The following WDFY1 variants were observed in gnomAD, a reference collection of about 807,000 sequenced individuals.
WDFY1 encodes WD repeat and FYVE domain containing 1, also known as WD repeat and FYVE domain-containing protein 1.
In WDFY1, 32 loss-of-function variants were observed where a neutral mutation model predicts 56.4. The observed-to-expected ratio is 0.57, with a 90% confidence interval of 0.43 to 0.76. The LOEUF (loss-of-function observed/expected upper bound fraction) is 0.76, where lower values mean the gene tolerates loss of function less well. Among genes scored for constraint, WDFY1 ranks in the 30% least tolerant of loss-of-function variants. WDFY1 has a pLI of 0.00. For missense variants in WDFY1, 480 were observed against 545.7 expected, an observed-to-expected ratio of 0.88 and a Z score of 1.20; for synonymous variants, 192 against 197.3, an observed-to-expected ratio of 0.97 and a Z score of 0.23.
chr2:223,881,540 G>A (rs1323324045), intron 10 of WDFY1, among the ~76,000 whole-genome samples: 11 of 152,096 alleles, frequency 7.2e-5, no homozygotes, highest in Admixed American at 7.2e-4. Flanking sequence ...CTGTAATCCT[G>A]GCACTTTGAG....
intron 1 of WDFY1, among the ~76,000 whole-genome samples, chr2:223,930,338 T>C (rs1446765683): frequency 6.6e-6 from 1 of 152,122 alleles, no homozygotes; most frequent in African/African-American, 2.4e-5. Flanking sequence ...CTGAGCCTTG[T>C]TTTTGTTTTG....
At chr2:223,903,747 C>T (rs1693548958) in intron 4 of WDFY1, among the ~76,000 whole-genome samples, 1 of 150,960 alleles carries the variant, frequency 6.6e-6, no homozygotes, top group Non-Finnish European at 1.5e-5. Context: ...AACTCCTGGG[C>T]TCAAGTGATC....
At chr2:223,915,030 T>C (rs1693764508) in intron 2 of WDFY1, among the ~76,000 whole-genome samples, 1 of 152,268 alleles carries the variant, frequency 6.6e-6, no homozygotes, top group South Asian at 2.1e-4. Context: ...CGGATAGCTT[T>C]TAGAACTAAC....
intron 8 of WDFY1, among the ~76,000 whole-genome samples, chr2:223,893,702 C>T (rs976277299): frequency 2.6e-5 from 4 of 152,168 alleles, no homozygotes; most frequent in African/African-American, 9.6e-5. Context: ...TAGTTAGTGG[C>T]CGAACCAAGT....
In WDFY1 at chr2:223,901,605, T is replaced by C. The variant is rs1693509180; in HGVS notation, c.335-272A>G. Among the ~76,000 whole-genome samples the C allele has an allele frequency of 1.3e-5, 2 of 151,236 alleles. 1 individual carries two copies. The highest frequency in any genetic ancestry group is 4.2e-4 in the South Asian group (2 of 4,800). ...TTAAAGAGTAACGCTCAAGGAGAAATCAAATAATAGATTAGAGAACAGATT... is the reference window on the plus strand; with the variant it reads ...TTAAAGAGTAACGCTCAAGGAGAAACCAAATAATAGATTAGAGAACAGATT... On this transcript the variant is annotated intron_variant, in intron 4 of 11. Transcript: ENST00000233055.
In WDFY1 at chr2:223,877,552, A is replaced by G. The variant is rs796493600; in HGVS notation, c.*1119T>C. 2 of 152,220 alleles carry G rather than the reference A, an allele frequency of 1.3e-5. No homozygotes were observed. The highest frequency in any genetic ancestry group is 4.1e-4 in the South Asian group (2 of 4,838). The allele number at this position is 152,220 out of a possible 1,614,324, so 9.4% of individuals were successfully genotyped here. A position where few individuals can be genotyped will look rare whatever the true frequency, so the allele number is the denominator to read the frequency against. On this transcript the variant is annotated 3_prime_UTR_variant, in exon 12 of 12. Transcript: ENST00000233055. Reference sequence around the variant, plus strand: ...AAAAGCTTTAGAAATGCCATTATGAACAATAGCTTTTGCTAGTTGTTAGGA... The same window carrying G: ...AAAAGCTTTAGAAATGCCATTATGAGCAATAGCTTTTGCTAGTTGTTAGGA...
intron 1 of WDFY1, among the ~76,000 whole-genome samples, chr2:223,939,711 T>C (rs1320491349): frequency 6.6e-6 from 1 of 152,174 alleles, no homozygotes; most frequent in African/African-American, 2.4e-5. Flanking sequence ...CCCTCATGAT[T>C]CAATTATTTC....
Position 223,901,250 on chromosome 2 carries a change from A to G in WDFY1, c.418T>C (p.Trp140Arg), listed in dbSNP as rs1033368562. 3.1e-6 allele frequency: 5 copies of G among 1,614,068 alleles called. No individual in the cohort carries two copies. In the Admixed American group the frequency reaches 6.7e-5, roughly 22 times the overall value. Residue 140 changes from tryptophan to arginine, a missense_variant, in exon 5 of 12, where the codon TGG becomes CGG. By Grantham distance (101) the Trp-to-Arg change is moderately radical. Coordinates refer to ENST00000233055, the MANE Select transcript of WDFY1 (RefSeq NM_020830.5). The stretch of plus-strand genomic sequence containing the variant: ...ATGTTCCCGCTCCGCGTGCACATCC[A>G]GCTCACACACTTGTCGTGGCCGGTA... ...ISTGHDKCVSWMCTRSGNMLG... is the reference protein window; with the variant it reads ...ISTGHDKCVSRMCTRSGNMLG...
intron 8 of WDFY1, among the ~76,000 whole-genome samples, chr2:223,892,752 C>T (rs1693299499): frequency 1.3e-5 from 2 of 152,208 alleles, no homozygotes; most frequent in Admixed American, 1.3e-4. Flanking sequence ...CAATGGTGCA[C>T]AGCACACTGA....
At position 223,876,751 on chromosome 2, in the gene WDFY1, A is replaced by T. The variant is rs1028744954; in HGVS notation, c.*1920T>A. The stretch of plus-strand genomic sequence containing the variant: ...GATGTCAAACGGTCACATTTTACAG[A>T]AGTCAAAGGAAAACAAAACCACAGT... On this transcript the variant is annotated 3_prime_UTR_variant, in exon 12 of 12. Coordinates refer to ENST00000233055, the MANE Select transcript of WDFY1 (RefSeq NM_020830.5). 1 of 152,218 alleles carries T rather than the reference A, an allele frequency of 6.6e-6. No homozygotes were observed. Among genetic ancestry groups the T allele is most frequent in the Non-Finnish European group, 1.5e-5 (1 of 68,044 alleles). The allele number at this position is 152,218 out of a possible 1,614,324, so 9.4% of individuals were successfully genotyped here. A position where few individuals can be genotyped will look rare whatever the true frequency, so the allele number is the denominator to read the frequency against.
At chr2:223,908,758 C>T (rs1352655939) in intron 3 of WDFY1, among the ~76,000 whole-genome samples, 1 of 152,162 alleles carries the variant, frequency 6.6e-6, no homozygotes, top group African/African-American at 2.4e-5. Flanking sequence ...CACCCAAGGT[C>T]GGTTCTCAAA....
intron 8 of WDFY1, among the ~76,000 whole-genome samples, chr2:223,892,998 C>T (rs1693304287): frequency 6.6e-6 from 1 of 152,082 alleles, no homozygotes; most frequent in South Asian, 2.1e-4. Flanking sequence ...CTAACAACAT[C>T]GTAAGTTGTA....
intron 3 of WDFY1, among the ~76,000 whole-genome samples, chr2:223,910,154 A>G (rs1024974921): frequency 1.3e-4 from 20 of 150,762 alleles, no homozygotes; most frequent in Admixed American, 3.3e-4. Flanking sequence ...TAAATGGGGG[A>G]AAAAAAATAG....
intron 6 of WDFY1, among the ~76,000 whole-genome samples, chr2:223,897,380 A>ATC (rs1192018583): frequency 1.2e-5 from 1 of 84,842 alleles, no homozygotes; most frequent in Non-Finnish European, 2.1e-5. Context: ...ATATATATAT[A>ATC]TATATATATA....
chr2:223,933,891 G>T (rs1694123247), intron 1 of WDFY1, among the ~76,000 whole-genome samples: 1 of 142,206 alleles, frequency 7.0e-6, no homozygotes, highest in African/African-American at 2.6e-5. Context: ...GAGCCCAGGA[G>T]GTGGAGGCTA....
In WDFY1 at chr2:223,895,542, T is replaced by C. The variant is rs1461912121; in HGVS notation, c.687A>G (p.Gly229=). Residue 229 remains glycine (G), a synonymous_variant, in exon 7 of 12, where the codon GGA becomes GGG. Transcript: ENST00000233055. ...SDNSIIMWDI[G]GRKGRTLLLQ... is the part of the protein sequence containing the mutation. ...GTAACAGCGTCCGGCCTTTCCTTCC[T>C]CCGATGTCCCACATGATGATGCTGT... 6.2e-7 allele frequency: 1 copy of C among 1,613,988 alleles called. No homozygotes were observed. The highest frequency in any genetic ancestry group is 2.2e-5 in the East Asian group (1 of 44,852).
chr2:223,901,653 A>G (rs536353844), intron 4 of WDFY1, among the ~76,000 whole-genome samples: 135 of 150,992 alleles, frequency 8.9e-4, no homozygotes, highest in African/African-American at 3.1e-3. Context: ...TGCTATGCTC[A>G]AGAGAACATT....
intron 9 of WDFY1, 138 bp from the exon 10 acceptor site, chr2:223,882,210 G>T: frequency 8.6e-7 from 1 of 1,169,292 alleles, no homozygotes; most frequent in Admixed American, 2.8e-5. Flanking sequence ...TGGCGCCCGG[G>T]TTCTACCAAT....
chr2:223,884,823 G>T, intron 8 of WDFY1, 74 bp from the exon 9 acceptor site: 6 of 1,263,838 alleles, frequency 4.7e-6, no homozygotes, highest in Non-Finnish European at 5.7e-6. Flanking sequence ...TAATACAACA[G>T]TTCTAGACCT....
Sources: gnomAD v4.1 joint callset for allele counts (sites outside exome capture counted in the v4.1 genomes callset) on GRCh38, gnomAD v4.1.1 for gene constraint, MANE v1.5 for transcripts, NCBI Gene and HGNC (gene_info 2026-07-23, HGNC 2026-07-21) for gene names.